MCPH1: variants seen among roughly 807,000 people sequenced by gnomAD.
MCPH1 encodes microcephalin 1, also known as microcephalin.
In MCPH1, 104 loss-of-function variants were observed where a neutral mutation model predicts 84.5. The observed-to-expected ratio is 1.23, with a 90% CI of 1.05 to 1.45. The LOEUF is 1.45. Ranked by LOEUF, MCPH1 falls within the 40% of genes most tolerant of loss-of-function variation. The pLI is 0.00. For synonymous variants in MCPH1, 514 were observed against 366.8 expected, an observed-to-expected ratio of 1.40 and a Z score of -4.58; for missense variants, 1,498 against 1,005.7, an observed-to-expected ratio of 1.49 and a Z score of -6.62.
chr8:6,638,321 T>A (rs993245148), intron 13 of MCPH1, among the ~76,000 whole-genome samples: 2 of 152,172 alleles, frequency 1.3e-5, no homozygotes, highest in Non-Finnish European at 2.9e-5. Context: ...CTTACTTATT[T>A]TGATAAGCAA....
At chr8:6,605,172 G>A (rs1232989089) in intron 12 of MCPH1, among the ~76,000 whole-genome samples, 5 of 152,110 alleles carry the variant, frequency 3.3e-5, no homozygotes, top group Non-Finnish European at 5.9e-5. Context: ...CGCTCTTGTT[G>A]GGTCCCTGAA....
chr8:6,520,130 C>G (rs968048456), intron 12 of MCPH1: 15 of 940,824 alleles, frequency 1.6e-5, no homozygotes, highest in Non-Finnish European at 2.3e-5. Flanking sequence ...CTTTTTTAAC[C>G]TTTCTAGAAA....
At chr8:6,409,112 C>G (rs1798175605) in intron 1 of MCPH1, among the ~76,000 whole-genome samples, 167 bp from the exon 2 acceptor site, 2 of 152,112 alleles carry the variant, frequency 1.3e-5, no homozygotes, top group Non-Finnish European at 2.9e-5. Flanking sequence ...GTCTCAAACC[C>G]CTGACTTCGT....
At chr8:6,432,799 G>A (rs531708465) in intron 4 of MCPH1, among the ~76,000 whole-genome samples, 1 of 152,340 alleles carries the variant, frequency 6.6e-6, no homozygotes, top group South Asian at 2.1e-4. Flanking sequence ...CTGATTATAG[G>A]TGAACAAGTG....
chr8:6,551,345 C>T (rs1823619427), intron 12 of MCPH1, among the ~76,000 whole-genome samples: 1 of 152,126 alleles, frequency 6.6e-6, no homozygotes, highest in African/African-American at 2.4e-5. Context: ...TGCATGTCAG[C>T]TGCAACGCCT....
At chr8:6,533,577 T>TC (rs1819941418) in intron 12 of MCPH1, among the ~76,000 whole-genome samples, 1 of 124,512 alleles carries the variant, frequency 8.0e-6, no homozygotes, top group East Asian at 2.1e-4. Context: ...TTCTTTTTTT[T>TC]TTTTTTTTTT....
rs1213570861 is a variant in MCPH1, at chr8:6,613,987, G to C, written c.2215-7467G>C. Among the ~76,000 whole-genome samples, 6 of 152,072 alleles carry C rather than the reference G, an allele frequency of 3.9e-5. No homozygotes were observed. The East Asian group carries it at 1.2e-3, about 29-fold the overall frequency. ...TGGTGTGCTCCGTTCCTATTTCTCT[G>C]GTTTTTCTAAGGTCCACAGGCTGCA... is the stretch of plus-strand genomic sequence containing the variant. On this transcript the variant is annotated intron_variant, in intron 12 of 13. Transcript: ENST00000344683.
intron 12 of MCPH1, among the ~76,000 whole-genome samples, chr8:6,520,992 G>A (rs1362427588): frequency 1.3e-5 from 2 of 152,102 alleles, no homozygotes; most frequent in Non-Finnish European, 2.9e-5. Flanking sequence ...TGGGGTGTTT[G>A]CTTCATAATA....
At chr8:6,520,433 T>G (rs933652672) in intron 12 of MCPH1, among the ~76,000 whole-genome samples, 1 of 152,156 alleles carries the variant, frequency 6.6e-6, no homozygotes, top group Non-Finnish European at 1.5e-5. Context: ...ATTATCCCAC[T>G]GAGGACATAG....
chr8:6,481,050 C>A (rs893846534), intron 11 of MCPH1, among the ~76,000 whole-genome samples, 174 bp downstream of exon 11: 2 of 152,168 alleles, frequency 1.3e-5, no homozygotes, highest in East Asian at 1.9e-4. Context: ...GGGCTGCTAC[C>A]CTTCAACCAG....
At chr8:6,581,511 C>G (rs560299907) in intron 12 of MCPH1, among the ~76,000 whole-genome samples, 1 of 152,296 alleles carries the variant, frequency 6.6e-6, no homozygotes, top group Non-Finnish European at 1.5e-5. Flanking sequence ...AATTATTAGC[C>G]TGTAATTTAA....
chr8:6,457,990 T>C (rs1805882375), intron 9 of MCPH1, among the ~76,000 whole-genome samples: 1 of 152,144 alleles, frequency 6.6e-6, no homozygotes, highest in Non-Finnish European at 1.5e-5. Flanking sequence ...GGGTGCACCC[T>C]GGCCACTAGG....
intron 12 of MCPH1, among the ~76,000 whole-genome samples, chr8:6,549,538 A>C (rs1338473633): frequency 6.6e-6 from 1 of 151,868 alleles, no homozygotes; most frequent in Non-Finnish European, 1.5e-5. Flanking sequence ...ACAGGTGCGC[A>C]CATATATGGA....
chr8:6,637,204 G>C (rs1024754717), intron 13 of MCPH1, among the ~76,000 whole-genome samples: 2 of 152,206 alleles, frequency 1.3e-5, no homozygotes, highest in Non-Finnish European at 2.9e-5. Context: ...CTTTGCCCTT[G>C]TGGGACTTAA....
At chr8:6,552,333 T>C (rs1287061321) in intron 12 of MCPH1, among the ~76,000 whole-genome samples, 2 of 152,236 alleles carry the variant, frequency 1.3e-5, no homozygotes, top group East Asian at 3.8e-4. Context: ...AGCAGTGTGT[T>C]GCCCAATGAC....
chr8:6,552,862 A>G (rs753747688), intron 12 of MCPH1, among the ~76,000 whole-genome samples: 10 of 152,132 alleles, frequency 6.6e-5, no homozygotes, highest in Admixed American at 2.6e-4. Flanking sequence ...CCAGTCCGAA[A>G]AGGCTGTATA....
At chr8:6,461,600 A>T (rs986980238) in intron 9 of MCPH1, among the ~76,000 whole-genome samples, 9 of 151,894 alleles carry the variant, frequency 5.9e-5, no homozygotes, top group African/African-American at 2.2e-4. Context: ...TCAGCCTCCC[A>T]AAGTGCTGGG....
chr8:6,595,946 C>A (rs951436763), intron 12 of MCPH1, among the ~76,000 whole-genome samples: 1 of 152,140 alleles, frequency 6.6e-6, no homozygotes, highest in Non-Finnish European at 1.5e-5. Context: ...CAAAAAGGAG[C>A]CTGTGAGCGT....
chr8:6,580,837 GCATTTA>G (rs1827514025), intron 12 of MCPH1, among the ~76,000 whole-genome samples: 1 of 152,130 alleles, frequency 6.6e-6, no homozygotes, highest in Non-Finnish European at 1.5e-5. Flanking sequence ...AAATAACTTT[GCATTTA>G]ACATTTTTGT....
Sources: gnomAD v4.1 joint callset for allele counts (sites outside exome capture counted in the v4.1 genomes callset) on GRCh38, gnomAD v4.1.1 for gene constraint, MANE v1.5 for transcripts, NCBI Gene and HGNC (gene_info 2026-07-23, HGNC 2026-07-21) for gene names.